The following PACSIN1 variants were observed in gnomAD, a reference collection of about 807,000 sequenced individuals.
PACSIN1 encodes the protein protein kinase C and casein kinase substrate in neurons 1, also known as protein kinase C and casein kinase substrate in neurons protein 1.
In PACSIN1, 15 loss-of-function variants were observed where a neutral mutation model predicts 59.5. The observed-to-expected ratio is 0.25, with a 90% confidence interval of 0.17 to 0.39. The LOEUF (loss-of-function observed/expected upper bound fraction) is 0.39. PACSIN1 is among the 10% of genes least tolerant of loss of function. The pLI is 1.00. For missense variants in PACSIN1, 420 were observed against 580.2 expected (o/e 0.72, Z 2.84); for synonymous variants, 210 against 220.6 (o/e 0.95, Z 0.42).
chr6:34,512,784 G>C (rs1373903295), intron 1 of PACSIN1, among the ~76,000 whole-genome samples: 7 of 152,208 alleles, frequency 4.6e-5, no homozygotes, highest in Admixed American at 2.6e-4. Context: ...TTAGAAACTG[G>C]GTGGCTGGTG....
At chr6:34,493,225 G>C (rs1766902477) in intron 1 of PACSIN1, among the ~76,000 whole-genome samples, 1 of 152,224 alleles carries the variant, frequency 6.6e-6, no homozygotes, top group African/African-American at 2.4e-5. Context: ...ATCCCCTGCA[G>C]CTGGGGGATG....
In PACSIN1 at chr6:34,531,417, C is replaced by T. The variant is rs1274179799; in HGVS notation, c.1038-183C>T. Among the ~76,000 whole-genome samples the T allele has an allele frequency of 6.6e-6, 1 of 152,318 alleles. No individual in the cohort carries two copies. The highest frequency in any genetic ancestry group is 6.5e-5 in the Admixed American group (1 of 15,308). On this transcript the variant is annotated intron_variant, in intron 8 of 9. Coordinates refer to ENST00000244458, the MANE Select transcript of PACSIN1 (RefSeq NM_020804.5). The surrounding 1 kb of genome is among the most constrained non-coding windows in gnomAD (Gnocchi z 4.4). Reference sequence around the variant, plus strand: ...CTCTCCCTCGAGGGCTGAATAATAACGCAAATGGTCCTGCATTTAAACATC... The same window carrying T: ...CTCTCCCTCGAGGGCTGAATAATAATGCAAATGGTCCTGCATTTAAACATC...
At chr6:34,482,957 G>A (rs550674924) in intron 1 of PACSIN1, among the ~76,000 whole-genome samples, 2 of 149,362 alleles carry the variant, frequency 1.3e-5, no homozygotes, top group South Asian at 4.2e-4. Flanking sequence ...AAAGTGCTGG[G>A]ATTACAGATG....
chr6:34,480,314 T>G (rs1300438695), intron 1 of PACSIN1, among the ~76,000 whole-genome samples: 1 of 149,198 alleles, frequency 6.7e-6, no homozygotes, highest in African/African-American at 2.5e-5. Flanking sequence ...AACCTCTGCC[T>G]CCCAGGCTCA....
chr6:34,506,283 T>A (rs2127261203), intron 1 of PACSIN1, among the ~76,000 whole-genome samples: 1 of 152,292 alleles, frequency 6.6e-6, no homozygotes, highest in South Asian at 2.1e-4. Context: ...AATGGCACAA[T>A]CACAGTTCAT....
rs1767557704 is a variant in PACSIN1 at position 34,529,804 on chromosome 6, G to A, written c.751G>A (p.Asp251Asn). Residue 251 changes from aspartate to asparagine, a missense_variant, in exon 6 of 10, where the codon GAC becomes AAC. Transcript: ENST00000244458. This position sits in a 1 kb window ranked among gnomAD's most constrained non-coding sequence, Gnocchi z 6.3. ...GGTCTTCCTCAAGGAGGTGCTGCTG[G>A]ACATCAAACGGCACCTCAACCTGGC... ...RLVFLKEVLL[D>N]IKRHLNLAEN... The A allele has an allele frequency of 1.2e-6, 2 of 1,613,952 alleles. No homozygotes were observed. Among genetic ancestry groups the A allele is most frequent in the Non-Finnish European group, 8.5e-7 (1 of 1,179,964 alleles).
intron 1 of PACSIN1, among the ~76,000 whole-genome samples, chr6:34,508,560 C>G (rs1171548024): frequency 6.6e-6 from 1 of 152,106 alleles, no homozygotes; most frequent in African/African-American, 2.4e-5. Flanking sequence ...AGTCACTGTG[C>G]CCAGCCTATT....
intron 1 of PACSIN1, among the ~76,000 whole-genome samples, chr6:34,467,704 A>T (rs1365670196): frequency 6.6e-6 from 1 of 152,000 alleles, no homozygotes. Context: ...AATTACAGGC[A>T]TGCACCACCA....
At chr6:34,467,635 C>T (rs1488306575) in intron 1 of PACSIN1, among the ~76,000 whole-genome samples, 2 of 149,120 alleles carry the variant, frequency 1.3e-5, no homozygotes, top group Non-Finnish European at 1.5e-5. Flanking sequence ...CTCAGCTCAC[C>T]GCAACCTCTG....
chr6:34,526,407 G>A (rs1047301637), intron 2 of PACSIN1, 39 bp downstream of exon 2: 1 of 1,576,792 alleles, frequency 6.3e-7, no homozygotes, highest in Non-Finnish European at 8.7e-7. Context: ...GGACCAGACA[G>A]CCTGGCTGTT....
At chr6:34,475,950 G>A (rs1464055992) in intron 1 of PACSIN1, among the ~76,000 whole-genome samples, 2 of 152,206 alleles carry the variant, frequency 1.3e-5, no homozygotes, top group African/African-American at 2.4e-5. Flanking sequence ...CCTCTGATTA[G>A]CGGACAAATC....
chr6:34,531,766 G>C lies in PACSIN1; in HGVS notation c.1204G>C (p.Asp402His), dbSNP rs1392458504. The change falls in exon 9 of 10, where the codon GAC (aspartate) becomes CAC (histidine). Residue 402 changes from aspartate to histidine, a missense_variant. Asp to His is a moderately conservative substitution (Grantham distance 81). Transcript: ENST00000244458. This position sits in a 1 kb window ranked among gnomAD's most constrained non-coding sequence, Gnocchi z 4.4. ...ALYDYDGQEQ[D>H]ELSFKAGDEL... ...CTACGACTATGACGGCCAGGAGCAG[G>C]ACGAGCTCAGCTTTAAGGCCGGTAG... 2 of 1,577,138 alleles carry C rather than the reference G, an allele frequency of 1.3e-6. No individual in the cohort carries two copies. The highest frequency in any genetic ancestry group is 2.7e-5 in the African/African-American group (2 of 73,644).
Position 34,484,794 on chromosome 6 carries a change from T to A in PACSIN1, c.-64+18524T>A, listed in dbSNP as rs555484757. Among the ~76,000 whole-genome samples the A allele has an allele frequency of 1.4e-3, 212 of 152,020 alleles. 3 individuals carry two copies. The highest frequency in any genetic ancestry group is 4.1e-3 in the African/African-American group (172 of 41,448). ...AAAATAAAATCTATTAATTAAAAAA[T>A]ATATATATATCCACATACACACATA... On this transcript the variant is annotated intron_variant, in intron 1 of 9. Coordinates refer to ENST00000244458, the MANE Select transcript of PACSIN1 (RefSeq NM_020804.5).
At chr6:34,472,011 T>A (rs1006692679) in intron 1 of PACSIN1, among the ~76,000 whole-genome samples, 1 of 152,170 alleles carries the variant, frequency 6.6e-6, no homozygotes, top group Non-Finnish European at 1.5e-5. Flanking sequence ...CATCACGTAC[T>A]GATAAGTTAA....
At chr6:34,507,447 T>G (rs73407704) in intron 1 of PACSIN1, among the ~76,000 whole-genome samples, 1,541 of 152,276 alleles carry the variant, frequency 0.01, 25 homozygotes, top group African/African-American at 0.035. Flanking sequence ...GAAGTCCAGA[T>G]TGATCTATTC....
Position 34,531,697 on chromosome 6 carries a change from A to T in PACSIN1, c.1135A>T (p.Asn379Tyr). 3.1e-6 allele frequency: 5 copies of T among 1,613,486 alleles called. No individual in the cohort carries two copies. Among genetic ancestry groups the T allele is most frequent in the Non-Finnish European group, 4.2e-6 (5 of 1,179,840 alleles). The change falls in exon 9 of 10, where the codon AAC becomes TAC. Residue 379 changes from asparagine to tyrosine, a missense_variant. Asn to Tyr is a moderately radical substitution (Grantham distance 143, BLOSUM62 -2). Coordinates refer to ENST00000244458, the MANE Select transcript of PACSIN1 (RefSeq NM_020804.5). This position sits in a 1 kb window ranked among gnomAD's most constrained non-coding sequence, Gnocchi z 4.4. ...GGGCAGTGAGACCAACGGGGGCGCC[A>T]ACCCCTTTGAGGACGACTCCAAGGG... ...FGGSETNGGA[N>Y]PFEDDSKGVR... is the part of the protein sequence containing the mutation.
At chr6:34,502,212 A>T (rs1291550558) in intron 1 of PACSIN1, among the ~76,000 whole-genome samples, 1 of 152,106 alleles carries the variant, frequency 6.6e-6, no homozygotes, top group Non-Finnish European at 1.5e-5. Flanking sequence ...TGCCAGTAAG[A>T]CATTGGCAAG....
intron 1 of PACSIN1, among the ~76,000 whole-genome samples, chr6:34,523,827 T>C (rs927714312): frequency 2.6e-5 from 4 of 152,230 alleles, no homozygotes; most frequent in African/African-American, 9.7e-5. Flanking sequence ...TCTAGCCACA[T>C]GATACGGGGG....
intron 1 of PACSIN1, among the ~76,000 whole-genome samples, chr6:34,480,571 G>T (rs765014571): frequency 1.3e-5 from 2 of 152,078 alleles, no homozygotes; most frequent in Admixed American, 6.5e-5. Flanking sequence ...AATAAACCAT[G>T]ATATACTTGT....
Sources: gnomAD v4.1 joint callset for allele counts (sites outside exome capture counted in the v4.1 genomes callset) on GRCh38, gnomAD v4.1.1 for gene constraint, Gnocchi (gnomAD v3.1) non-coding constraint, MANE v1.5 for transcripts, NCBI Gene and HGNC (gene_info 2026-07-23, HGNC 2026-07-21) for gene names.